Variants in UNG observed in about 807,000 individuals in gnomAD.
UNG encodes uracil-DNA glycosylase.
In UNG, 34 loss-of-function variants were observed where a neutral mutation model predicts 36.5. The observed-to-expected ratio is 0.93, with a 90% CI of 0.71 to 1.24. UNG has a LOEUF of 1.24. Among genes scored for constraint, UNG ranks in the 50% most tolerant of loss-of-function variants. UNG has a pLI of 0.00. For missense variants in UNG, 391 were observed against 397.6 expected (o/e 0.98, Z 0.14); for synonymous variants, 172 against 157.8 (o/e 1.09, Z -0.67).
rs757987852 is a variant in UNG at position 109,098,490 on chromosome 12, C to T, written c.191C>T (p.Ser64Leu). 6.2e-7 allele frequency: 1 copy of T among 1,612,432 alleles called. No homozygotes were observed. The highest frequency in any genetic ancestry group is 1.1e-5 in the South Asian group (1 of 91,026). Residue 64 changes from serine to leucine, a missense_variant, in exon 2 of 7, where the codon TCG becomes TTG. Physicochemically the swap from Ser to Leu is moderately radical, Grantham distance 145 (BLOSUM62 -2). Coordinates refer to ENST00000242576, the MANE Select transcript of UNG (RefSeq NM_080911.3). ...GQEEPGTPPS[S>L]PLSAEQLDRI... is the part of the protein sequence containing the mutation. ...GAGGAGCCTGGGACGCCGCCCTCCT[C>T]GCCGCTGAGTGCCGAGCAGTTGGAC...
At chr12:109,104,881 G>C (rs536220735) in intron 6 of UNG, among the ~76,000 whole-genome samples, 1 of 152,106 alleles carries the variant, frequency 6.6e-6, no homozygotes, top group African/African-American at 2.4e-5. Flanking sequence ...AAATGTGCAC[G>C]TATATTTAAC....
chr12:109,100,438 A>ATC (rs1202026356), intron 3 of UNG, among the ~76,000 whole-genome samples: 1 of 152,262 alleles, frequency 6.6e-6, no homozygotes, highest in Non-Finnish European at 1.5e-5. Context: ...GAAGTGAAAT[A>ATC]GGTGAATAAA....
chr12:109,101,106 CTTTTTTTTTTTTTTTTTT>C (rs71079522), intron 3 of UNG, among the ~76,000 whole-genome samples: 1 of 53,634 alleles, frequency 1.9e-5, no homozygotes, highest in South Asian at 1.2e-3. Context: ...ATCTGAATTG[CTTTTTTTTTTTTTTTTTT>C]TTTTTTTTTT....
In UNG at chr12:109,110,042, T is replaced by C; in HGVS notation, c.*73T>C. 3 of 1,607,982 alleles carry C rather than the reference T, an allele frequency of 1.9e-6. No homozygotes were observed. The South Asian group carries it at 3.3e-5, about 18-fold the overall frequency. On this transcript the variant is annotated 3_prime_UTR_variant, in exon 7 of 7. Transcript: ENST00000242576. The stretch of plus-strand genomic sequence containing the variant: ...CCAGTTACGAAGTTCCACTGAAAAT[T>C]TTCCTATTAATTCTTAAGTACTCTG...
At chr12:109,101,830 G>A in intron 3 of UNG, 72 bp from the exon 4 acceptor site, 3 of 1,318,740 alleles carry the variant, frequency 2.3e-6, no homozygotes, top group Non-Finnish European at 3.3e-6. Context: ...TTTTGTTTAT[G>A]TTTGTTTGAG....
At chr12:109,105,003 C>G (rs2042205576) in intron 6 of UNG, 1 of 152,250 alleles carries the variant, frequency 6.6e-6, no homozygotes, top group South Asian at 2.1e-4. Context: ...AACTTCGCCT[C>G]CTGGGTTCAA....
intron 4 of UNG, 62 bp downstream of exon 4, chr12:109,102,061 T>G: frequency 6.8e-7 from 1 of 1,465,208 alleles, no homozygotes; most frequent in Non-Finnish European, 9.5e-7. Context: ...TGTACTTAGC[T>G]TATTACAAGT....
chr12:109,098,534 GCCGCGGCCCTGCTCAGAC>G lies in UNG; in HGVS notation c.236_253del (p.Ala79_Leu85delinsVal). 1 of 1,613,072 alleles carries G rather than the reference GCCGCGGCCCTGCTCAGAC, an allele frequency of 6.2e-7. No individual in the cohort carries two copies. Among genetic ancestry groups the G allele is most frequent in the Non-Finnish European group, 8.5e-7 (1 of 1,179,928 alleles). ...GTTGGACCGGATCCAGAGGAACAAG[GCCGCGGCCCTGCTCAGAC>G]TCGCGGCCCGCAACGTGCCCGTGGG... is the stretch of plus-strand genomic sequence containing the variant. On this transcript the variant is annotated inframe_deletion, in exon 2 of 7. Coordinates refer to ENST00000242576, the MANE Select transcript of UNG (RefSeq NM_080911.3).
Position 109,103,626 on chromosome 12 carries a change from C to CTTTCTTTTT in UNG, c.801+28_801+36dup, listed in dbSNP as rs1364863591. 2 of 1,588,168 alleles carry CTTTCTTTTT rather than the reference C, an allele frequency of 1.3e-6. No individual in the cohort carries two copies. The highest frequency in any genetic ancestry group is 1.4e-5 in the African/African-American group (1 of 73,946). ...CCATTGATAGGGTATGTTTTGTTTT[C>CTTTCTTTTT]TTTCTTTTTTTTCTTTTTTTTTTAA... is the stretch of plus-strand genomic sequence containing the variant. On this transcript the variant is annotated intron_variant, in intron 6 of 6. Transcript: ENST00000242576.
chr12:109,103,011 G>GTGC, intron 5 of UNG, 84 bp downstream of exon 5: 1 of 1,043,504 alleles, frequency 9.6e-7, no homozygotes, highest in South Asian at 1.3e-5. Context: ...GAGTGCAGTG[G>GTGC]TGCAATCTCA....
At position 109,110,146 on chromosome 12, in the gene UNG, C is replaced by A; in HGVS notation, c.*177C>A. ...GGCAGCTGTATCCAACCACAAACAACAAAGGCTACCCTTTGACCAAATGTC... is the reference window on the plus strand; with the variant it reads ...GGCAGCTGTATCCAACCACAAACAAAAAAGGCTACCCTTTGACCAAATGTC... On this transcript the variant is annotated 3_prime_UTR_variant, in exon 7 of 7. Transcript: ENST00000242576. 1.3e-6 allele frequency: 1 copy of A among 770,410 alleles called. No homozygotes were observed. The highest frequency in any genetic ancestry group is 1.7e-5 in the South Asian group (1 of 59,588). 47.7% of individuals were successfully genotyped at this position (770,410 alleles called of 1,614,324 possible). A position where few individuals can be genotyped will look rare whatever the true frequency, so the allele number is the denominator to read the frequency against.
intron 6 of UNG, among the ~76,000 whole-genome samples, chr12:109,105,551 T>C (rs1421612158): frequency 6.6e-6 from 1 of 152,220 alleles, no homozygotes; most frequent in African/African-American, 2.4e-5. Context: ...TACTGCCCCA[T>C]GAACATGCCA....
chr12:109,107,255 C>T (rs2042224644), intron 6 of UNG, among the ~76,000 whole-genome samples: 1 of 152,184 alleles, frequency 6.6e-6, no homozygotes, highest in South Asian at 2.1e-4. Context: ...GGCTGGAATG[C>T]ACTGGCTTGA....
chr12:109,100,485 A>T (rs569794405), intron 3 of UNG, among the ~76,000 whole-genome samples: 1 of 152,204 alleles, frequency 6.6e-6, no homozygotes, highest in Non-Finnish European at 1.5e-5. Flanking sequence ...ATACTTAGAA[A>T]ATCTCGTAAG....
rs1448832810 is a variant in UNG, at chr12:109,097,714, C to T, written c.35C>T (p.Ser12Phe). 3 of 1,595,640 alleles carry T rather than the reference C, an allele frequency of 1.9e-6. No homozygotes were observed. Among genetic ancestry groups the T allele is most frequent in the Admixed American group, 1.7e-5 (1 of 58,136 alleles). Residue 12 changes from serine (S) to phenylalanine (F), a missense_variant, in exon 1 of 7, where the codon TCC becomes TTC. Coordinates refer to ENST00000242576, the MANE Select transcript of UNG (RefSeq NM_080911.3). ...CAGAAGACGCTCTACTCCTTTTTCT[C>T]CCCCAGCCCCGCCAGGAAGCGACAC... ...IGQKTLYSFF[S>F]PSPARKRHAP... is the part of the protein sequence containing the mutation.
intron 4 of UNG, 55 bp downstream of exon 4, chr12:109,102,054 A>G (rs2042182581): frequency 3.3e-6 from 5 of 1,516,268 alleles, no homozygotes; most frequent in Non-Finnish European, 4.6e-6. Flanking sequence ...TCAGATGTGT[A>G]CTTAGCTTAT....
intron 2 of UNG, among the ~76,000 whole-genome samples, 165 bp from the exon 3 acceptor site, chr12:109,099,023 TG>T (rs56139452): frequency 6.6e-6 from 1 of 152,000 alleles, no homozygotes; most frequent in South Asian, 2.1e-4. Context: ...ACCACTTAGG[TG>T]GGGGGGCAGG....
At chr12:109,105,470 G>A (rs1465326965) in intron 6 of UNG, among the ~76,000 whole-genome samples, 1 of 152,214 alleles carries the variant, frequency 6.6e-6, no homozygotes, top group Non-Finnish European at 1.5e-5. Context: ...TGTTAAAGTA[G>A]CTTGGTCATT....
intron 6 of UNG, among the ~76,000 whole-genome samples, chr12:109,106,933 A>ACGTATATATATGTG (rs1481574278): frequency 2.6e-5 from 1 of 39,118 alleles, no homozygotes; most frequent in African/African-American, 5.5e-5. Context: ...ATATATATAT[A>ACGTATATATATGTG]TAAAAAATAT....
Sources: gnomAD v4.1 joint callset for allele counts (sites outside exome capture counted in the v4.1 genomes callset) on GRCh38, gnomAD v4.1.1 for gene constraint, MANE v1.5 for transcripts, NCBI Gene and HGNC (gene_info 2026-07-23, HGNC 2026-07-21) for gene names.